IQCJ: variants seen among roughly 807,000 people sequenced by gnomAD.
IQCJ encodes IQ domain-containing protein J.
Under a neutral mutation model 11.0 loss-of-function variants are expected in IQCJ, and 9 were observed. The ratio of observed to expected loss-of-function variants is 0.82; its 90% CI spans 0.49 to 1.43. IQCJ has a LOEUF of 1.43. IQCJ is among the 40% of genes most tolerant of loss of function. The probability of loss-of-function intolerance (pLI) is 0.00; values close to 1 mark genes in which losing one functional copy is unlikely to be tolerated. For synonymous variants in IQCJ, 55 were observed against 51.3 expected, an observed-to-expected ratio of 1.07 and a Z score of -0.31; for missense variants, 146 against 133.2, an observed-to-expected ratio of 1.10 and a Z score of -0.47.
intron 1 of IQCJ, among the ~76,000 whole-genome samples, chr3:159,197,276 C>T (rs1191189159): frequency 6.6e-6 from 1 of 152,190 alleles, no homozygotes; most frequent in Non-Finnish European, 1.5e-5. Context: ...AAAATCCAAT[C>T]AGTTGTTACC....
chr3:159,166,150 A>T (rs1302285414), intron 1 of IQCJ, among the ~76,000 whole-genome samples: 1 of 152,188 alleles, frequency 6.6e-6, no homozygotes, highest in Non-Finnish European at 1.5e-5. Context: ...TGTTTAAAAA[A>T]AAAAATCCAA....
chr3:159,164,510 A>G (rs1473248357), intron 1 of IQCJ, among the ~76,000 whole-genome samples: 1 of 152,198 alleles, frequency 6.6e-6, no homozygotes, highest in Admixed American at 6.5e-5. Context: ...GCTAACACCT[A>G]TAATCCCAGC....
intron 1 of IQCJ, among the ~76,000 whole-genome samples, chr3:159,130,246 T>C (rs1412791855): frequency 6.6e-6 from 1 of 152,196 alleles, no homozygotes. Context: ...CATCTGTCTT[T>C]CTAATGTCAT....
At chr3:159,178,411 AG>A (rs1316265855) in intron 1 of IQCJ, among the ~76,000 whole-genome samples, 2 of 152,200 alleles carry the variant, frequency 1.3e-5, no homozygotes, top group African/African-American at 4.8e-5. Context: ...TGACAACTGA[AG>A]GCATTGCAGT....
intron 1 of IQCJ, among the ~76,000 whole-genome samples, chr3:159,072,600 C>T (rs1715649562): frequency 6.6e-6 from 1 of 152,080 alleles, no homozygotes; most frequent in Admixed American, 6.6e-5. Flanking sequence ...TTATGCCAAA[C>T]AACCTCTGTA....
At chr3:159,198,879 T>C (rs1015802297) in intron 1 of IQCJ, among the ~76,000 whole-genome samples, 2 of 152,208 alleles carry the variant, frequency 1.3e-5, no homozygotes, top group Non-Finnish European at 2.9e-5. Context: ...TTGGAAAATC[T>C]TTGCAGTTTG....
At chr3:159,087,165 A>G (rs1006310132) in intron 1 of IQCJ, among the ~76,000 whole-genome samples, 2 of 152,128 alleles carry the variant, frequency 1.3e-5, no homozygotes, top group African/African-American at 2.4e-5. Flanking sequence ...TTCTGCATCT[A>G]TTGAGATAAT....
intron 1 of IQCJ, among the ~76,000 whole-genome samples, chr3:159,141,464 AT>A (rs1720599783): frequency 6.6e-6 from 1 of 152,218 alleles, no homozygotes; most frequent in Non-Finnish European, 1.5e-5. Flanking sequence ...TATTAGAATA[AT>A]AACAATCTCT....
intron 1 of IQCJ, among the ~76,000 whole-genome samples, chr3:159,118,057 A>G (rs779432956): frequency 6.6e-6 from 1 of 152,248 alleles, no homozygotes; most frequent in Non-Finnish European, 1.5e-5. Flanking sequence ...CTCAAAATTT[A>G]TTTGAAAGCA....
chr3:159,183,299 A>G (rs1723198601), intron 1 of IQCJ, among the ~76,000 whole-genome samples: 1 of 152,198 alleles, frequency 6.6e-6, no homozygotes, highest in Non-Finnish European at 1.5e-5. Context: ...GAGTATTTGC[A>G]CAGCTCTTCA....
rs1339504022 is a variant in IQCJ, at chr3:159,136,483, A to G, written c.9+67042A>G. Among the ~76,000 whole-genome samples the G allele has an allele frequency of 2.6e-5, 4 of 152,178 alleles. No homozygotes were observed. The East Asian group carries it at 7.7e-4, about 29-fold the overall frequency. Reference sequence around the variant, plus strand: ...GTATTATATCTAAGGCAAAAGACTCATGTCTTAGTTCATTTGGGCTGCTAT... The same window carrying G: ...GTATTATATCTAAGGCAAAAGACTCGTGTCTTAGTTCATTTGGGCTGCTAT... On this transcript the variant is annotated intron_variant, in intron 1 of 3. Transcript: ENST00000397832.
At chr3:159,122,072 G>A (rs1719411943) in intron 1 of IQCJ, among the ~76,000 whole-genome samples, 1 of 152,172 alleles carries the variant, frequency 6.6e-6, no homozygotes, top group African/African-American at 2.4e-5. Context: ...GTTCTGGTGA[G>A]GACTCTCTTC....
At chr3:159,112,661 C>T (rs878858731) in intron 1 of IQCJ, among the ~76,000 whole-genome samples, 12 of 152,078 alleles carry the variant, frequency 7.9e-5, no homozygotes, top group African/African-American at 2.7e-4. Context: ...GGATGCTGAC[C>T]GTAGCCTCGC....
At chr3:159,201,433 A>G (rs1724324070) in intron 1 of IQCJ, among the ~76,000 whole-genome samples, 1 of 152,142 alleles carries the variant, frequency 6.6e-6, no homozygotes, top group East Asian at 1.9e-4. Flanking sequence ...AACATTATCA[A>G]TATTACTAAA....
intron 1 of IQCJ, among the ~76,000 whole-genome samples, chr3:159,235,741 G>A (rs766388465): frequency 6.6e-6 from 1 of 152,148 alleles, no homozygotes; most frequent in Non-Finnish European, 1.5e-5. Context: ...GACTTAGATC[G>A]GGTGTTTGAC....
chr3:159,092,364 T>C (rs548270842), intron 1 of IQCJ, among the ~76,000 whole-genome samples: 2 of 151,916 alleles, frequency 1.3e-5, no homozygotes, highest in East Asian at 1.9e-4. Context: ...TGGACCTTGA[T>C]TGGATCCTGG....
intron 1 of IQCJ, among the ~76,000 whole-genome samples, chr3:159,240,226 A>G (rs1253249118): frequency 1.3e-5 from 2 of 152,166 alleles, no homozygotes; most frequent in Non-Finnish European, 2.9e-5. Context: ...CTATCTATCT[A>G]TCATCTATCA....
chr3:159,179,546 A>G (rs1722973559), intron 1 of IQCJ, among the ~76,000 whole-genome samples: 1 of 151,272 alleles, frequency 6.6e-6, no homozygotes, highest in South Asian at 2.1e-4. Context: ...AGTGTGAATC[A>G]TCTTCTCACT....
intron 1 of IQCJ, among the ~76,000 whole-genome samples, chr3:159,176,754 A>C (rs1722816915): frequency 6.6e-6 from 1 of 152,226 alleles, no homozygotes; most frequent in African/African-American, 2.4e-5. Flanking sequence ...CTCCAGTTAA[A>C]AAATTTTTAA....
Sources: allele counts gnomAD v4.1 joint callset (sites outside exome capture counted in the v4.1 genomes callset), GRCh38; gene constraint gnomAD v4.1.1; transcripts MANE v1.5; gene names NCBI Gene and HGNC (gene_info 2026-07-23, HGNC 2026-07-21).